ADGRV1: variants seen among roughly 807,000 people sequenced by gnomAD.
ADGRV1 encodes adhesion G protein-coupled receptor V1.
ADGRV1 carries 359 observed loss-of-function variants against 596.2 expected under a neutral mutation model. The observed-to-expected ratio is 0.60, with a 90% CI of 0.55 to 0.66. The LOEUF (loss-of-function observed/expected upper bound fraction) is 0.66, where lower values mean the gene tolerates loss of function less well. ADGRV1 is among the 30% of genes least tolerant of loss of function. The probability of loss-of-function intolerance (pLI) is 0.00; values close to 1 mark genes in which losing one functional copy is unlikely to be tolerated. For synonymous variants in ADGRV1, 2,681 were observed against 2,679.2 expected (o/e 1.00, Z -0.02); for missense variants, 7,274 against 7,575.6 (o/e 0.96, Z 1.48).
intron 67 of ADGRV1, among the ~76,000 whole-genome samples, chr5:90,787,676 T>C (rs1455914486): frequency 6.8e-6 from 1 of 146,802 alleles, no homozygotes; most frequent in African/African-American, 2.5e-5. Flanking sequence ...CACTGCAACC[T>C]CCGCCTCCCA....
At position 90,683,732 on chromosome 5, in the gene ADGRV1, T is replaced by G; in HGVS notation, c.5811T>G (p.Pro1937=). Residue 1937 remains proline (P), a synonymous_variant, in exon 28 of 90, where the codon CCT becomes CCG. Coordinates refer to ENST00000405460, the MANE Select transcript of ADGRV1 (RefSeq NM_032119.4). ...TSANITVEIL[P]DEDPELDKAF... ...CCAATATCACTGTGGAGATATTGCC[T>G]GACGAAGACCCAGAACTGGATAAGG... is the stretch of plus-strand genomic sequence containing the variant. 6.2e-7 allele frequency: 1 copy of G among 1,613,918 alleles called. No homozygotes were observed. The highest frequency in any genetic ancestry group is 8.5e-7 in the Non-Finnish European group (1 of 1,179,864).
At chr5:90,662,832 G>T (rs1379536850) in intron 21 of ADGRV1, among the ~76,000 whole-genome samples, 2 of 151,798 alleles carry the variant, frequency 1.3e-5, no homozygotes, top group Admixed American at 6.6e-5. Context: ...TCATTGTTCA[G>T]TTCCCACCTA....
Position 90,810,218 on chromosome 5 carries a change from T to C in ADGRV1, c.14973-15T>C. 1 of 1,520,024 alleles carries C rather than the reference T, an allele frequency of 6.6e-7. No homozygotes were observed. The highest frequency in any genetic ancestry group is 2.4e-5 in the East Asian group (1 of 41,450). The allele number at this position is 1,520,024 out of a possible 1,614,324, so 94.2% of individuals were successfully genotyped here. On this transcript the variant is annotated splice_polypyrimidine_tract_variant and intron_variant, in intron 73 of 89. Transcript: ENST00000405460. ...TTAAAAAATCAATTTCTTCATGATT[T>C]AATTTTTTTCCCAGATCAGGTTTCA... is the stretch of plus-strand genomic sequence containing the variant.
At chr5:90,639,773 A>G (rs921296743) in intron 11 of ADGRV1, among the ~76,000 whole-genome samples, 4 of 152,188 alleles carry the variant, frequency 2.6e-5, no homozygotes, top group Non-Finnish European at 4.4e-5. Flanking sequence ...TAAAATTTAG[A>G]TACTGTATTT....
intron 1 of ADGRV1, among the ~76,000 whole-genome samples, chr5:90,595,335 G>A (rs1760213144): frequency 3.1e-5 from 2 of 65,234 alleles, no homozygotes; most frequent in African/African-American, 7.5e-5. Flanking sequence ...GGCCGGGCGG[G>A]GGGCTGACCC....
intron 64 of ADGRV1, chr5:90,781,036 T>G (rs1484013240): frequency 4.9e-6 from 1 of 205,480 alleles, no homozygotes; most frequent in Non-Finnish European, 1.0e-5. Flanking sequence ...ACTGTAAATC[T>G]CAAGGCCGCC....
chr5:90,939,908 A>G (rs984030218), intron 83 of ADGRV1, among the ~76,000 whole-genome samples: 1 of 152,200 alleles, frequency 6.6e-6, no homozygotes, highest in Non-Finnish European at 1.5e-5. Context: ...TTAGACATAT[A>G]TATGTTGTCC....
In ADGRV1 at chr5:90,810,553, A is replaced by T. The variant is rs749667453; in HGVS notation, c.15293A>T (p.Glu5098Val). 3 of 1,613,910 alleles carry T rather than the reference A, an allele frequency of 1.9e-6. No individual in the cohort carries two copies. In the South Asian group the frequency reaches 3.3e-5, roughly 18 times the overall value. Residue 5098 changes from glutamate to valine, a missense_variant, in exon 74 of 90, where the codon GAA becomes GTA. Around this residue, in one of 5 missense-constraint regions of ADGRV1, gnomAD observed 1,874 missense variants for 1,970.2 expected, o/e 0.95. Coordinates refer to ENST00000405460, the MANE Select transcript of ADGRV1 (RefSeq NM_032119.4). Reference sequence around the variant, plus strand: ...TTTTACATTAACCTTACTTCAGTAGAAATTAGGGGATTACAAAAGTTTGAT... The same window carrying T: ...TTTTACATTAACCTTACTTCAGTAGTAATTAGGGGATTACAAAAGTTTGAT... ...EFFYINLTSV[E>V]IRGLQKFDVN...
Position 90,736,209 on chromosome 5 carries a change from C to T in ADGRV1, c.10549+6445C>T, listed in dbSNP as rs559375873. ...AAAGGATGTTGATTTTTTTCAAATA[C>T]TTTGCATCAATTTAGATGATTATTT... is the stretch of plus-strand genomic sequence containing the variant. On this transcript the variant is annotated intron_variant, in intron 50 of 89. Transcript: ENST00000405460. Among the ~76,000 whole-genome samples the T allele has an allele frequency of 2.6e-3, 397 of 151,896 alleles. 1 individual carries two copies. Among genetic ancestry groups the T allele is most frequent in the Admixed American group, 5.6e-3 (85 of 15,278 alleles).
intron 87 of ADGRV1, among the ~76,000 whole-genome samples, chr5:91,131,888 G>T (rs147396829): frequency 4.6e-5 from 7 of 152,216 alleles, no homozygotes; most frequent in East Asian, 1.9e-4. Flanking sequence ...TCTAAGAAGG[G>T]TATTTCCTAA....
chr5:90,793,299 A>G (rs150575580), intron 70 of ADGRV1: 1 of 152,344 alleles, frequency 6.6e-6, no homozygotes, highest in Non-Finnish European at 1.5e-5. Flanking sequence ...ATATGCCTAA[A>G]TTGTGTAACT....
In ADGRV1 at chr5:90,647,483, T is replaced by C. The variant is rs1767951903; in HGVS notation, c.3023-15T>C. On this transcript the variant is annotated splice_polypyrimidine_tract_variant and intron_variant, in intron 16 of 89. Coordinates refer to ENST00000405460, the MANE Select transcript of ADGRV1 (RefSeq NM_032119.4). ...TCAGAAAAGCTCATGTGTTCTTTCT[T>C]TGTGGATATTTCAGAACCTCGTGTA... The C allele has an allele frequency of 6.3e-7, 1 of 1,593,256 alleles. No homozygotes were observed. The highest frequency in any genetic ancestry group is 1.4e-5 in the African/African-American group (1 of 73,908).
chr5:90,818,973 T>G (rs1250408848), intron 75 of ADGRV1, among the ~76,000 whole-genome samples: 1 of 152,050 alleles, frequency 6.6e-6, no homozygotes, highest in Non-Finnish European at 1.5e-5. Flanking sequence ...TTGATTGGAA[T>G]AGTTTCAGAA....
In ADGRV1 at chr5:90,813,132, CAAAAAAAAAAAA is replaced by C. The variant is rs5869522; in HGVS notation, c.16078+1815_16078+1826del. 4.5e-3 allele frequency among the ~76,000 whole-genome samples: 156 copies of C among 34,918 alleles called. 5 individuals are homozygous for C. In the East Asian group the frequency reaches 0.078, roughly 17 times the overall value. 22.9% of individuals were successfully genotyped at this position (34,918 alleles called of 152,430 possible). On this transcript the variant is annotated intron_variant, in intron 74 of 89. Coordinates refer to ENST00000405460, the MANE Select transcript of ADGRV1 (RefSeq NM_032119.4). ...TGGGCGACAGAGTAAGACTCCGTCT[CAAAAAAAAAAAA>C]AAAAAAAAAAAAAAAAAAAATTTAT... is the stretch of plus-strand genomic sequence containing the variant.
chr5:90,817,791 G>T (rs1172891346), intron 75 of ADGRV1, among the ~76,000 whole-genome samples: 1 of 151,986 alleles, frequency 6.6e-6, no homozygotes, highest in African/African-American at 2.4e-5. Flanking sequence ...TTTGGTACCA[G>T]TACCATGCTG....
intron 1 of ADGRV1, among the ~76,000 whole-genome samples, chr5:90,595,859 C>A (rs562389441): frequency 6.7e-6 from 1 of 149,882 alleles, no homozygotes; most frequent in Admixed American, 6.6e-5. Context: ...ACCTCCCTCC[C>A]GGACGGGGCG....
chr5:90,851,134 T>TGTGTGTGTGTGTGTGTGAGAGA (rs757909771), intron 79 of ADGRV1, among the ~76,000 whole-genome samples: 11 of 81,448 alleles, frequency 1.4e-4, no homozygotes, highest in Non-Finnish European at 2.6e-4. Flanking sequence ...TGTGTGTGTG[T>TGTGTGTGTGTGTGTGTGAGAGA]GAGAGAGAGA....
At chr5:91,007,861 A>G (rs1425217003) in intron 85 of ADGRV1, among the ~76,000 whole-genome samples, 4 of 152,160 alleles carry the variant, frequency 2.6e-5, no homozygotes. Context: ...TGCTGTGTAC[A>G]TATTCAATTA....
chr5:90,905,068 G>T (rs1346520117), intron 83 of ADGRV1, among the ~76,000 whole-genome samples: 2 of 151,916 alleles, frequency 1.3e-5, no homozygotes, highest in Non-Finnish European at 2.9e-5. Flanking sequence ...ATTTGTTTCT[G>T]GCCTCTCTAT....
Sources: allele counts gnomAD v4.1 joint callset (sites outside exome capture counted in the v4.1 genomes callset), GRCh38; gene constraint gnomAD v4.1.1; regional missense constraint gnomAD v4.1.1; transcripts MANE v1.5; gene names NCBI Gene and HGNC (gene_info 2026-07-23, HGNC 2026-07-21).